Variants in SEL1L2 observed in about 807,000 individuals in gnomAD.
SEL1L2 encodes the protein protein sel-1 homolog 2.
A neutral mutation model predicts 98.8 loss-of-function variants in SEL1L2; 89 were observed. The ratio of observed to expected loss-of-function variants is 0.90; its 90% CI spans 0.76 to 1.07. The LOEUF (loss-of-function observed/expected upper bound fraction) is 1.07, where lower values mean the gene tolerates loss of function less well. Ranked by LOEUF, SEL1L2 falls within the 50% of genes least tolerant of loss-of-function variation. The probability of loss-of-function intolerance (pLI) is 0.00; values close to 1 mark genes in which losing one functional copy is unlikely to be tolerated. For synonymous variants in SEL1L2, 262 were observed against 278.5 expected (o/e 0.94, Z 0.59); for missense variants, 788 against 812.0 (o/e 0.97, Z 0.36).
At chr20:13,906,909 C>T (rs975545629) in intron 5 of SEL1L2, among the ~76,000 whole-genome samples, 2 of 152,144 alleles carry the variant, frequency 1.3e-5, no homozygotes, top group Non-Finnish European at 2.9e-5. Context: ...AAACTCCTGA[C>T]CTCAAGTGAT....
chr20:13,866,275 A>G (rs1991018589), intron 15 of SEL1L2, among the ~76,000 whole-genome samples: 2 of 152,164 alleles, frequency 1.3e-5, no homozygotes, highest in Non-Finnish European at 1.5e-5. Context: ...CACTTTCTCA[A>G]TTGTCATCCA....
chr20:13,861,869 C>A (rs1044417828), intron 17 of SEL1L2, among the ~76,000 whole-genome samples: 2 of 152,136 alleles, frequency 1.3e-5, no homozygotes, highest in African/African-American at 4.8e-5. Context: ...GCTGGCTTCT[C>A]GTCATTCTCA....
intron 3 of SEL1L2, among the ~76,000 whole-genome samples, chr20:13,931,065 A>T (rs1384483670): frequency 6.8e-5 from 9 of 132,612 alleles, no homozygotes; most frequent in African/African-American, 2.5e-4. Flanking sequence ...TTTTTTTTTG[A>T]CGGAGTCTCG....
chr20:13,995,255 A>G (rs1462423145), upstream of SEL1L2: 1 of 181,068 alleles, frequency 5.5e-6, no homozygotes, highest in African/African-American at 2.4e-5. The surrounding 1 kb of genome is among the most constrained non-coding windows in gnomAD (Gnocchi z 4.3). Context: ...CGCCGCGCCC[A>G]CGTCTCGAGG....
chr20:13,950,900 G>C (rs2050228986), intron 2 of SEL1L2, among the ~76,000 whole-genome samples: 1 of 152,170 alleles, frequency 6.6e-6, no homozygotes, highest in Admixed American at 6.5e-5. Flanking sequence ...AAGTCATCAG[G>C]AGACAACTAG....
chr20:13,859,173 A>G, intron 18 of SEL1L2, 89 bp downstream of exon 18: 2 of 1,243,462 alleles, frequency 1.6e-6, no homozygotes, highest in Non-Finnish European at 2.3e-6. Context: ...CTCTACATTG[A>G]TGACATCAAT....
chr20:13,970,231 A>G (rs2051221603), intron 1 of SEL1L2, among the ~76,000 whole-genome samples: 1 of 152,224 alleles, frequency 6.6e-6, no homozygotes, highest in Non-Finnish European at 1.5e-5. Flanking sequence ...ATACCGTGAA[A>G]TAAAATCCAG....
chr20:13,958,616 G>A (rs1047481353), intron 1 of SEL1L2, among the ~76,000 whole-genome samples: 1 of 152,068 alleles, frequency 6.6e-6, no homozygotes, highest in South Asian at 2.1e-4. Context: ...GCTAACGAAC[G>A]CACAGTGCAG....
chr20:13,995,066 A>G (rs2148601414), upstream of SEL1L2: 1 of 153,256 alleles, frequency 6.5e-6, no homozygotes, highest in South Asian at 2.0e-4. This position sits in a 1 kb window ranked among gnomAD's most constrained non-coding sequence, Gnocchi z 4.3. Flanking sequence ...GTGAGCACGG[A>G]CAATTCGTGT....
intron 19 of SEL1L2, chr20:13,849,863 C>T (rs1296549877): frequency 1.5e-5 from 8 of 539,068 alleles, no homozygotes; most frequent in Admixed American, 1.0e-4. Context: ...TGCCACCTGC[C>T]GTCTGCCTAC....
At chr20:13,916,926 C>A (rs1209422792) in intron 4 of SEL1L2, among the ~76,000 whole-genome samples, 2 of 152,142 alleles carry the variant, frequency 1.3e-5, no homozygotes, top group African/African-American at 2.4e-5. Flanking sequence ...GGTTCCCACA[C>A]TAATGGATGG....
intron 14 of SEL1L2, among the ~76,000 whole-genome samples, chr20:13,868,287 T>C (rs549654059): frequency 9.2e-5 from 14 of 152,122 alleles, no homozygotes; most frequent in African/African-American, 3.4e-4. Flanking sequence ...TCTATCACGG[T>C]TAAAGAGGCT....
intron 1 of SEL1L2, among the ~76,000 whole-genome samples, chr20:13,981,269 T>C (rs1357697665): frequency 6.6e-6 from 1 of 151,136 alleles, no homozygotes; most frequent in Non-Finnish European, 1.5e-5. Context: ...AAGAAAGAAA[T>C]AGAGAATAGA....
At chr20:13,938,251 T>TC (rs1200186009) in intron 2 of SEL1L2, among the ~76,000 whole-genome samples, 3 of 151,998 alleles carry the variant, frequency 2.0e-5, no homozygotes, top group African/African-American at 7.3e-5. Context: ...TGGCTAATTT[T>TC]TGTATTTTTA....
At chr20:13,945,658 C>A (rs2049974668) in intron 2 of SEL1L2, among the ~76,000 whole-genome samples, 1 of 151,992 alleles carries the variant, frequency 6.6e-6, no homozygotes. Context: ...AACTATAGAC[C>A]AATATCTCTG....
intron 4 of SEL1L2, among the ~76,000 whole-genome samples, chr20:13,916,519 C>T (rs1175561022): frequency 2.0e-5 from 3 of 152,138 alleles, no homozygotes; most frequent in Admixed American, 2.0e-4. Flanking sequence ...TCAAAAGGGT[C>T]AGGAGGCTGG....
At chr20:13,918,861 A>G (rs994172742) in intron 4 of SEL1L2, among the ~76,000 whole-genome samples, 160 bp downstream of exon 4, 2 of 152,168 alleles carry the variant, frequency 1.3e-5, no homozygotes, top group Non-Finnish European at 2.9e-5. Flanking sequence ...AATTTGTGGG[A>G]TTCTTTAAAC....
chr20:13,976,414 GGAA>G (rs1383380726), intron 1 of SEL1L2, among the ~76,000 whole-genome samples: 1 of 152,126 alleles, frequency 6.6e-6, no homozygotes, highest in African/African-American at 2.4e-5. Flanking sequence ...GCGGTGATGG[GGAA>G]GAAGATCGGA....
intron 10 of SEL1L2, among the ~76,000 whole-genome samples, chr20:13,879,746 G>A (rs2046607366): frequency 6.6e-6 from 1 of 152,108 alleles, no homozygotes; most frequent in Non-Finnish European, 1.5e-5. Context: ...AAAATGCCTG[G>A]AATCATCCAA....
Sources: gnomAD v4.1 joint callset for allele counts (sites outside exome capture counted in the v4.1 genomes callset) on GRCh38, gnomAD v4.1.1 for gene constraint, Gnocchi (gnomAD v3.1) non-coding constraint, MANE v1.5 for transcripts, NCBI Gene and HGNC (gene_info 2026-07-23, HGNC 2026-07-21) for gene names.